USHBP1: variants seen among roughly 807,000 people sequenced by gnomAD.
USHBP1 encodes USH1 protein network component harmonin binding protein 1.
In USHBP1, 67 loss-of-function variants were observed where a neutral mutation model predicts 76.2. The observed-to-expected ratio is 0.88, with a 90% CI of 0.72 to 1.08. USHBP1 has a LOEUF of 1.08. USHBP1 is among the 50% of genes least tolerant of loss of function. The probability of loss-of-function intolerance (pLI) is 0.00; values close to 1 mark genes in which losing one functional copy is unlikely to be tolerated. For synonymous variants in USHBP1, 322 were observed against 362.2 expected (o/e 0.89, Z 1.26); for missense variants, 931 against 915.0 (o/e 1.02, Z -0.23).
Position 17,250,087 on chromosome 19 carries a change from C to G in USHBP1, c.*138G>C, listed in dbSNP as rs944261727. On this transcript the variant is annotated 3_prime_UTR_variant, in exon 13 of 13. Transcript: ENST00000252597. ...TGGCCACACCCCATCAGGCCCTGGACACCCATGTGCACCAGCTTCCCTCAC... is the reference window on the plus strand; with the variant it reads ...TGGCCACACCCCATCAGGCCCTGGAGACCCATGTGCACCAGCTTCCCTCAC... 5.2e-6 allele frequency: 5 copies of G among 954,790 alleles called. No homozygotes were observed. Among genetic ancestry groups the G allele is most frequent in the Admixed American group, 5.5e-5 (2 of 36,206 alleles). 59.1% of individuals were successfully genotyped at this position (954,790 alleles called of 1,614,324 possible).
intron 10 of USHBP1, among the ~76,000 whole-genome samples, chr19:17,253,106 C>A (rs1403017324): frequency 6.6e-6 from 1 of 150,632 alleles, no homozygotes; most frequent in East Asian, 2.0e-4. Context: ...GTAGCTGGGA[C>A]TACAGGCGCC....
At chr19:17,256,304 A>G (rs545451088) in intron 9 of USHBP1, among the ~76,000 whole-genome samples, 167 bp downstream of exon 9, 66 of 152,264 alleles carry the variant, frequency 4.3e-4, no homozygotes, top group African/African-American at 1.5e-3. Context: ...ACTGAACCCC[A>G]GAAAACAAAC....
rs118010940 is a variant in USHBP1, at chr19:17,258,082, T to G, written c.1220+130A>C. On this transcript the variant is annotated intron_variant, in intron 8 of 12. Coordinates refer to ENST00000252597, the MANE Select transcript of USHBP1 (RefSeq NM_031941.4). Reference sequence around the variant, plus strand: ...TGAGCCTCATGTCAACCAACTACAGTGAGCTCCATACCGACCTTGCTGGAC... The same window carrying G: ...TGAGCCTCATGTCAACCAACTACAGGGAGCTCCATACCGACCTTGCTGGAC... 6,933 of 1,277,958 alleles carry G rather than the reference T, an allele frequency of 5.4e-3. 39 individuals carry two copies. Among genetic ancestry groups the G allele is most frequent in the Middle Eastern group, 0.047 (172 of 3,638 alleles). 79.2% of individuals were successfully genotyped at this position (1,277,958 alleles called of 1,614,324 possible). A position where few individuals can be genotyped will look rare whatever the true frequency, so the allele number is the denominator to read the frequency against.
chr19:17,250,514 G>T, intron 12 of USHBP1, 100 bp from the exon 13 acceptor site: 1 of 1,304,162 alleles, frequency 7.7e-7, no homozygotes, highest in Non-Finnish European at 1.1e-6. Flanking sequence ...TTTCACATTG[G>T]GTCTCCAAGG....
intron 11 of USHBP1, 89 bp downstream of exon 11, chr19:17,251,822 C>G: frequency 6.5e-7 from 1 of 1,548,918 alleles, no homozygotes; most frequent in Non-Finnish European, 8.7e-7. Context: ...CCGGGGTACA[C>G]CTTAGCTTCT....
chr19:17,261,649 T>A (rs1599478215), intron 4 of USHBP1, among the ~76,000 whole-genome samples: 1 of 143,336 alleles, frequency 7.0e-6, no homozygotes, highest in African/African-American at 2.5e-5. Context: ...TATTTTTTTT[T>A]TTTTTTGAGA....
At chr19:17,252,795 G>A (rs1440431232) in intron 10 of USHBP1, among the ~76,000 whole-genome samples, 1 of 151,484 alleles carries the variant, frequency 6.6e-6, no homozygotes, top group East Asian at 2.0e-4. Context: ...GCTGAGGCAG[G>A]AGAATCACTT....
intron 3 of USHBP1, chr19:17,263,633 CT>C (rs2073717292): frequency 5.5e-6 from 1 of 182,742 alleles, no homozygotes; most frequent in East Asian, 1.5e-4. Flanking sequence ...AATCCCAGCA[CT>C]TTTGGAGGCC....
At chr19:17,259,861 A>T in intron 5 of USHBP1, 36 bp downstream of exon 5, 1 of 1,599,584 alleles carries the variant, frequency 6.3e-7, no homozygotes. Flanking sequence ...AAGGCTAAGG[A>T]CATCAAGACC....
At position 17,256,478 on chromosome 19, in the gene USHBP1, G is replaced by A. The variant is rs373978030; in HGVS notation, c.1463C>T (p.Ala488Val). 6.2e-7 allele frequency: 1 copy of A among 1,613,428 alleles called. No individual in the cohort carries two copies. The highest frequency in any genetic ancestry group is 1.1e-5 in the South Asian group (1 of 91,068). The change falls in exon 9 of 13, where the codon GCC becomes GTC. Residue 488 changes from alanine to valine, a missense_variant. By Grantham distance (64) the Ala-to-Val change is moderately conservative. Transcript: ENST00000252597. ...GCCACAGCCCATTTGTACCCTTGCG[G>A]CCACCAGGTCCTGCTGAATTTGTGT... Reference protein sequence around the residue: ...EKTQIQQDLVAAREALADLML... With the variant: ...EKTQIQQDLVVAREALADLML...
At chr19:17,258,448 C>A in intron 7 of USHBP1, 63 bp from the exon 8 acceptor site, 3 of 1,556,750 alleles carry the variant, frequency 1.9e-6, no homozygotes, top group East Asian at 2.3e-5. Flanking sequence ...ATGGCCCTCA[C>A]CTGTAGTCCC....
intron 10 of USHBP1, among the ~76,000 whole-genome samples, chr19:17,252,771 CAACT>C: frequency 6.6e-6 from 1 of 150,956 alleles, no homozygotes; most frequent in East Asian, 2.0e-4. Flanking sequence ...CCTGGAGTCC[CAACT>C]AACTGGGCGG....
At position 17,258,352 on chromosome 19, in the gene USHBP1, A is replaced by G. The variant is rs1022829118; in HGVS notation, c.1080T>C (p.Leu360=). The change falls in exon 8 of 13, where the codon CTT becomes CTC. Residue 360 remains leucine, a synonymous_variant. Coordinates refer to ENST00000252597, the MANE Select transcript of USHBP1 (RefSeq NM_031941.4). ...CTCCTGAGTCGGCCTCCCGCAGAGC[A>G]AGCAGAACCCTGTATGCCTCTTCAC... is the stretch of plus-strand genomic sequence containing the variant. ...EHCEEAYRVL[L]ALREADSGAG... The G allele has an allele frequency of 6.2e-7, 1 of 1,613,914 alleles. No homozygotes were observed. The highest frequency in any genetic ancestry group is 8.5e-7 in the Non-Finnish European group (1 of 1,180,010).
chr19:17,258,114 A>G (rs1215752802), intron 8 of USHBP1, 98 bp downstream of exon 8: 1 of 1,557,056 alleles, frequency 6.4e-7, no homozygotes, highest in African/African-American at 1.4e-5. Context: ...GGACACAGCC[A>G]CACCAAGCCC....
chr19:17,264,246 G>T lies in USHBP1; in HGVS notation c.54C>A (p.Pro18=), dbSNP rs150988345. 3 of 1,613,940 alleles carry T rather than the reference G, an allele frequency of 1.9e-6. No individual in the cohort carries two copies. The East Asian group carries it at 6.7e-5, about 36-fold the overall frequency. ...PRSRRGRHAP[P]GELDPVAESS... is the part of the protein sequence containing the mutation. ...GTGGAGGGGAGAGGGTGACACTTAC[G>T]GGTGGAGCATGCCTCCCTCGCCGGC... The change falls in exon 2 of 13, where the codon CCC becomes CCA. Residue 18 remains proline (P), a splice_region_variant and synonymous_variant. Transcript: ENST00000252597.
chr19:17,257,320 C>T (rs1463680223), intron 8 of USHBP1, among the ~76,000 whole-genome samples: 5 of 146,700 alleles, frequency 3.4e-5, no homozygotes, highest in African/African-American at 9.9e-5. Context: ...CGTGAGCCAC[C>T]GCGCCTGGCC....
In USHBP1 at chr19:17,259,484, C is replaced by T. The variant is rs558458154; in HGVS notation, c.906-55G>A. The T allele has an allele frequency of 3.7e-5, 60 of 1,610,132 alleles. No individual in the cohort carries two copies. The African/African-American group carries it at 7.5e-4, about 20-fold the overall frequency. ...TCAGAGGCCTTCTAAGGCAGTCAGG[C>T]CTCAATTTCCACCCTTTCCCTCCCT... On this transcript the variant is annotated intron_variant, in intron 6 of 12. Transcript: ENST00000252597.
Position 17,251,946 on chromosome 19 carries a change from C to A in USHBP1, c.1764G>T (p.Glu588Asp). ...ATGCTGCCAGTTCCTGGGCTAACTT[C>A]TCTGGGTCCCAGGCTCTGCCCACCT... ...GGQVGRAWDP[E>D]KLAQELAASL... is the part of the protein sequence containing the mutation. The change falls in exon 11 of 13, where the codon GAG becomes GAT. Residue 588 changes from glutamate to aspartate, a missense_variant. Physicochemically the swap from Glu to Asp is conservative, Grantham distance 45 (BLOSUM62 2). Transcript: ENST00000252597. 6.5e-7 allele frequency: 1 copy of A among 1,548,150 alleles called. No homozygotes were observed.
Position 17,258,892 on chromosome 19 carries a change from G to C in USHBP1, c.1046+397C>G, listed in dbSNP as rs974976151. Among the ~76,000 whole-genome samples the C allele has an allele frequency of 5.3e-5, 8 of 151,924 alleles. No homozygotes were observed. The South Asian group carries it at 1.7e-3, about 31-fold the overall frequency. The stretch of plus-strand genomic sequence containing the variant: ...TGCCTTAAGTTAATTTCTGGGCCAG[G>C]CAAGGTGGCTCACACCTGTAATCCC... On this transcript the variant is annotated intron_variant, in intron 7 of 12. Coordinates refer to ENST00000252597, the MANE Select transcript of USHBP1 (RefSeq NM_031941.4).
Sources: gnomAD v4.1 joint callset for allele counts (sites outside exome capture counted in the v4.1 genomes callset) on GRCh38, gnomAD v4.1.1 for gene constraint, MANE v1.5 for transcripts, NCBI Gene and HGNC (gene_info 2026-07-23, HGNC 2026-07-21) for gene names.